The following ADGRL4 variants were observed in gnomAD, a reference collection of about 807,000 sequenced individuals.
The protein encoded by ADGRL4 is EGF, latrophilin and seven transmembrane domain containing 1.
A neutral mutation model predicts 74.8 loss-of-function variants in ADGRL4; 90 were observed. The ratio of observed to expected loss-of-function variants is 1.20; its 90% CI spans 1.02 to 1.43. The LOEUF is 1.43. Among genes scored for constraint, ADGRL4 ranks in the 40% most tolerant of loss-of-function variants. The pLI, the probability that ADGRL4 is intolerant of heterozygous loss-of-function variation, is 0.00. For missense variants in ADGRL4, 881 were observed against 814.3 expected, an observed-to-expected ratio of 1.08 and a Z score of -1.00; for synonymous variants, 311 against 279.2, an observed-to-expected ratio of 1.11 and a Z score of -1.14.
intron 12 of ADGRL4, among the ~76,000 whole-genome samples, chr1:78,904,012 TC>T (rs1648575960): frequency 6.6e-6 from 1 of 151,054 alleles, no homozygotes; most frequent in African/African-American, 2.4e-5. Flanking sequence ...GAAGAAAATA[TC>T]TGTTCTTCAT....
chr1:78,929,590 TAAAGA>T (rs1367630339), intron 7 of ADGRL4, among the ~76,000 whole-genome samples: 5 of 151,588 alleles, frequency 3.3e-5, no homozygotes, highest in African/African-American at 7.3e-5. Flanking sequence ...GTTTATGTTT[TAAAGA>T]ATGCATGTGT....
At chr1:78,954,176 T>C (rs61770703) in intron 2 of ADGRL4, among the ~76,000 whole-genome samples, 71,317 of 151,700 alleles carry the variant, frequency 0.47, 17,521 homozygotes, top group Admixed American at 0.54. Context: ...AAATAAATAA[T>C]AAATAAATAG....
chr1:78,931,035 T>G (rs1445822818), intron 7 of ADGRL4, among the ~76,000 whole-genome samples: 1 of 151,052 alleles, frequency 6.6e-6, no homozygotes, highest in Non-Finnish European at 1.5e-5. Context: ...TTACTTTATC[T>G]CCTACCTAGC....
At chr1:78,958,165 A>T (rs1557512552) in intron 2 of ADGRL4, among the ~76,000 whole-genome samples, 1 of 152,098 alleles carries the variant, frequency 6.6e-6, no homozygotes. Context: ...AATCCATCTG[A>T]TCATCCAAGA....
At chr1:78,933,234 A>T (rs566546234) in intron 7 of ADGRL4, among the ~76,000 whole-genome samples, 6 of 151,562 alleles carry the variant, frequency 4.0e-5, no homozygotes, top group Middle Eastern at 3.4e-3. Context: ...ATCCACCACA[A>T]TCAGGTCAGC....
At chr1:78,935,026 C>G (rs1251344356) in intron 7 of ADGRL4, among the ~76,000 whole-genome samples, 1 of 152,092 alleles carries the variant, frequency 6.6e-6, no homozygotes, top group African/African-American at 2.4e-5. Context: ...CAGAGACACC[C>G]TATTTGAACC....
At chr1:78,923,074 A>G (rs1366255664) in intron 8 of ADGRL4, among the ~76,000 whole-genome samples, 3 of 151,878 alleles carry the variant, frequency 2.0e-5, no homozygotes, top group Non-Finnish European at 4.4e-5. Context: ...AAAATTGGAG[A>G]GATTGCTAGA....
chr1:78,937,610 G>A (rs1409978868), intron 6 of ADGRL4, among the ~76,000 whole-genome samples, 197 bp downstream of exon 6: 2 of 152,178 alleles, frequency 1.3e-5, no homozygotes, highest in African/African-American at 4.8e-5. Flanking sequence ...GGAGACACTT[G>A]TGGATTTATC....
chr1:78,894,632 A>G (rs1054807071), intron 12 of ADGRL4, among the ~76,000 whole-genome samples: 1 of 151,850 alleles, frequency 6.6e-6, no homozygotes, highest in Non-Finnish European at 1.5e-5. Flanking sequence ...AAATTTGGAA[A>G]CAACTGTATT....
At chr1:78,943,253 T>C (rs1570245019) in intron 3 of ADGRL4, among the ~76,000 whole-genome samples, 1 of 152,106 alleles carries the variant, frequency 6.6e-6, no homozygotes, top group African/African-American at 2.4e-5. Flanking sequence ...CTAAAACACA[T>C]GGTGAAATTG....
intron 2 of ADGRL4, among the ~76,000 whole-genome samples, chr1:78,952,197 C>G (rs1369517381): frequency 2.6e-5 from 4 of 152,086 alleles, no homozygotes; most frequent in African/African-American, 9.7e-5. Context: ...AGCATCACTC[C>G]TGTACACATT....
chr1:78,920,051 T>C (rs1054696439), intron 10 of ADGRL4, 132 bp downstream of exon 10: 2 of 671,428 alleles, frequency 3.0e-6, no homozygotes, highest in African/African-American at 1.8e-5. Flanking sequence ...TTAGAAAGGA[T>C]AGCTGAAGAA....
chr1:78,926,861 A>G (rs1649125189), intron 8 of ADGRL4, 25 bp downstream of exon 8: 1 of 1,549,418 alleles, frequency 6.5e-7, no homozygotes, highest in African/African-American at 1.4e-5. Flanking sequence ...AATCATAGCC[A>G]ATAACTACCA....
At chr1:78,940,222 A>T (rs1570243169) in intron 3 of ADGRL4, among the ~76,000 whole-genome samples, 1 of 152,152 alleles carries the variant, frequency 6.6e-6, no homozygotes, top group African/African-American at 2.4e-5. Context: ...GAGCGACCTG[A>T]TTTCTTTCCA....
chr1:78,951,045 A>C (rs1649712400), intron 2 of ADGRL4, among the ~76,000 whole-genome samples: 1 of 152,144 alleles, frequency 6.6e-6, no homozygotes, highest in African/African-American at 2.4e-5. Context: ...TCTCTTCCAG[A>C]GCATGAGTCA....
At chr1:78,997,526 T>A (rs139481663) in intron 2 of ADGRL4, among the ~76,000 whole-genome samples, 3 of 151,532 alleles carry the variant, frequency 2.0e-5, no homozygotes, top group African/African-American at 7.3e-5. Context: ...AAGTAATAAG[T>A]TTTTTTTTGT....
chr1:78,953,963 C>T (rs1649779725), intron 2 of ADGRL4, among the ~76,000 whole-genome samples: 1 of 152,152 alleles, frequency 6.6e-6, no homozygotes, highest in South Asian at 2.1e-4. Flanking sequence ...GCCTGGCCAA[C>T]ATGGTGAAAC....
intron 2 of ADGRL4, among the ~76,000 whole-genome samples, chr1:78,996,388 T>G (rs896534109): frequency 6.6e-6 from 1 of 152,196 alleles, no homozygotes; most frequent in African/African-American, 2.4e-5. Context: ...ATAAAAAACT[T>G]AAATGTATAA....
intron 2 of ADGRL4, among the ~76,000 whole-genome samples, chr1:79,000,626 C>G (rs912079292): frequency 6.6e-6 from 1 of 152,096 alleles, no homozygotes; most frequent in Non-Finnish European, 1.5e-5. Context: ...TGGTAGCTAT[C>G]TCTACTGCAG....
Sources: allele counts gnomAD v4.1 joint callset (sites outside exome capture counted in the v4.1 genomes callset), GRCh38; gene constraint gnomAD v4.1.1; transcripts MANE v1.5; gene names NCBI Gene and HGNC (gene_info 2026-07-23, HGNC 2026-07-21).